Variants in PKIA observed in about 807,000 individuals in gnomAD.
PKIA encodes cAMP-dependent protein kinase inhibitor alpha.
In PKIA, 4 loss-of-function variants were observed where a neutral mutation model predicts 7.6. The observed-to-expected ratio is 0.52, with a 90% CI of 0.26 to 1.20. PKIA has a LOEUF of 1.20. Ranked by LOEUF, PKIA falls within the 50% of genes most tolerant of loss-of-function variation. PKIA has a pLI of 0.13. For synonymous variants in PKIA, 21 were observed against 30.7 expected (o/e 0.68, Z 1.04); for missense variants, 73 against 86.2 (o/e 0.85, Z 0.61).
At chr8:78,590,816 G>T (rs1585926332) in intron 2 of PKIA, among the ~76,000 whole-genome samples, 2 of 152,192 alleles carry the variant, frequency 1.3e-5, no homozygotes, top group South Asian at 4.1e-4. Flanking sequence ...GAGAATGAAA[G>T]CTAAGTGGGG....
At chr8:78,564,480 GATTA>G (rs975455790) in intron 1 of PKIA, among the ~76,000 whole-genome samples, 1 of 151,934 alleles carries the variant, frequency 6.6e-6, no homozygotes, top group African/African-American at 2.4e-5. Flanking sequence ...GGGTCCAGTT[GATTA>G]ATTTATCAAA....
At chr8:78,539,534 T>G (rs1461754834) in intron 1 of PKIA, among the ~76,000 whole-genome samples, 1 of 152,130 alleles carries the variant, frequency 6.6e-6, no homozygotes, top group East Asian at 1.9e-4. Context: ...TGTTTTTCTC[T>G]AACTCAGAGA....
At chr8:78,516,688 C>T (rs779434644) in intron 1 of PKIA, among the ~76,000 whole-genome samples, 2 of 152,232 alleles carry the variant, frequency 1.3e-5, no homozygotes, top group Non-Finnish European at 2.9e-5. Flanking sequence ...TGCCTCTATA[C>T]TCTTTTGAAC....
At chr8:78,579,768 C>T (rs779147929) in intron 2 of PKIA, among the ~76,000 whole-genome samples, 1 of 152,012 alleles carries the variant, frequency 6.6e-6, no homozygotes, top group Non-Finnish European at 1.5e-5. Context: ...ATATTTAATG[C>T]ATAAGAATCA....
intron 2 of PKIA, among the ~76,000 whole-genome samples, chr8:78,580,953 C>T (rs1585917438): frequency 6.6e-6 from 1 of 151,884 alleles, no homozygotes; most frequent in Non-Finnish European, 1.5e-5. Context: ...CGTGTTTTCA[C>T]ATGTATGTAT....
At chr8:78,591,705 C>A (rs1808100921) in intron 2 of PKIA, among the ~76,000 whole-genome samples, 2 of 152,184 alleles carry the variant, frequency 1.3e-5, no homozygotes, top group Middle Eastern at 6.8e-3. Context: ...ATAATTGGAT[C>A]TTTTGTATAA....
intron 2 of PKIA, among the ~76,000 whole-genome samples, chr8:78,577,450 T>C (rs1182648854): frequency 1.3e-5 from 2 of 151,668 alleles, no homozygotes; most frequent in Admixed American, 1.3e-4. Context: ...TTGATATGAG[T>C]TTACCTATAT....
intron 2 of PKIA, among the ~76,000 whole-genome samples, chr8:78,588,913 A>G (rs1343715829): frequency 6.6e-6 from 1 of 150,488 alleles, no homozygotes; most frequent in Non-Finnish European, 1.5e-5. Flanking sequence ...AAAGAAAGGA[A>G]AAAAAAAAAG....
chr8:78,577,866 A>C (rs1196724677), intron 2 of PKIA, among the ~76,000 whole-genome samples: 1 of 152,146 alleles, frequency 6.6e-6, no homozygotes, highest in Admixed American at 6.6e-5. Context: ...TAATATAAAC[A>C]TGTATAAATA....
At chr8:78,525,710 A>G (rs1341827870) in intron 1 of PKIA, among the ~76,000 whole-genome samples, 1 of 152,076 alleles carries the variant, frequency 6.6e-6, no homozygotes, top group Non-Finnish European at 1.5e-5. Context: ...GCAGCTTTTA[A>G]TCATTTTCAA....
intron 1 of PKIA, among the ~76,000 whole-genome samples, chr8:78,518,868 C>T (rs984730359): frequency 7.2e-5 from 11 of 152,092 alleles, no homozygotes; most frequent in African/African-American, 2.4e-4. Flanking sequence ...GATAATCAAA[C>T]TGAAGGGATT....
chr8:78,546,121 C>G (rs976926115), intron 1 of PKIA, among the ~76,000 whole-genome samples: 1 of 152,056 alleles, frequency 6.6e-6, no homozygotes, highest in Non-Finnish European at 1.5e-5. Flanking sequence ...ATGGCTTTGT[C>G]GAATACATCA....
chr8:78,545,824 T>C (rs117799949), intron 1 of PKIA, among the ~76,000 whole-genome samples: 3,576 of 152,258 alleles, frequency 0.023, 65 homozygotes, highest in Non-Finnish European at 0.036. Context: ...ATAGCATCAA[T>C]AGAAATCATC....
intron 1 of PKIA, among the ~76,000 whole-genome samples, chr8:78,541,622 T>A (rs1806690585): frequency 6.6e-6 from 1 of 152,158 alleles, no homozygotes; most frequent in Non-Finnish European, 1.5e-5. Flanking sequence ...ATCACTTTCC[T>A]CAATGTTGAC....
intron 1 of PKIA, among the ~76,000 whole-genome samples, chr8:78,545,756 C>G (rs9969661): frequency 0.48 from 72,944 of 151,896 alleles, 20,049 homozygotes; most frequent in African/African-American, 0.77. Flanking sequence ...TGTGTTTTCA[C>G]TGTTCCTCTA....
intron 3 of PKIA, among the ~76,000 whole-genome samples, chr8:78,599,718 G>A (rs1330125531): frequency 6.6e-6 from 1 of 152,068 alleles, no homozygotes; most frequent in African/African-American, 2.4e-5. Context: ...TTCATAACAT[G>A]AGATGGATAA....
intron 1 of PKIA, among the ~76,000 whole-genome samples, chr8:78,532,094 T>C (rs1303027698): frequency 1.3e-5 from 2 of 152,068 alleles, no homozygotes; most frequent in Non-Finnish European, 2.9e-5. Context: ...ACTTGTGTCA[T>C]GGGGGTTTGT....
At chr8:78,594,403 G>A (rs1327473195) in intron 2 of PKIA, among the ~76,000 whole-genome samples, 11 of 152,008 alleles carry the variant, frequency 7.2e-5, no homozygotes, top group Non-Finnish European at 1.2e-4. Flanking sequence ...GATCATGGAA[G>A]GCTTTAAAAG....
At chr8:78,566,294 A>C (rs1807410704) in intron 1 of PKIA, among the ~76,000 whole-genome samples, 1 of 152,112 alleles carries the variant, frequency 6.6e-6, no homozygotes, top group Non-Finnish European at 1.5e-5. Flanking sequence ...TAATTTATGA[A>C]ACATGTCTTT....
Sources: allele counts gnomAD v4.1 joint callset (sites outside exome capture counted in the v4.1 genomes callset), GRCh38; gene constraint gnomAD v4.1.1; transcripts MANE v1.5; gene names NCBI Gene and HGNC (gene_info 2026-07-23, HGNC 2026-07-21).